Variants in ADGRV1 observed in about 807,000 individuals in gnomAD.
ADGRV1 encodes the protein G-protein coupled receptor 98.
Under a neutral mutation model 596.2 loss-of-function variants are expected in ADGRV1, and 359 were observed. That is an observed-to-expected ratio of 0.60 (90% confidence interval 0.55 to 0.66). ADGRV1 has a LOEUF of 0.66. ADGRV1 is among the 30% of genes least tolerant of loss of function. ADGRV1 has a pLI of 0.00. For missense variants in ADGRV1, 7,274 were observed against 7,575.6 expected (o/e 0.96, Z 1.48); for synonymous variants, 2,681 against 2,679.2 (o/e 1.00, Z -0.02).
chr5:90,646,188 G>A, intron 16 of ADGRV1, 97 bp downstream of exon 16: 2 of 715,636 alleles, frequency 2.8e-6, no homozygotes, highest in Non-Finnish European at 3.9e-6. Context: ...ATATGCACGT[G>A]CGTATATACA....
At chr5:90,953,084 A>G (rs1777182531) in intron 83 of ADGRV1, among the ~76,000 whole-genome samples, 1 of 152,286 alleles carries the variant, frequency 6.6e-6, no homozygotes, top group Non-Finnish European at 1.5e-5. Context: ...TTTGAAAGCC[A>G]TGTGAAAAAA....
rs375195936 is a variant in ADGRV1, at chr5:90,810,269, C to T, written c.15009C>T (p.Gly5003=). The T allele has an allele frequency of 5.2e-5, 83 of 1,589,070 alleles. No homozygotes were observed. The highest frequency in any genetic ancestry group is 9.2e-5 in the South Asian group (8 of 86,676). The change falls in exon 74 of 90, where the codon GGC becomes GGT. Residue 5003 remains glycine, a synonymous_variant. Coordinates refer to ENST00000405460, the MANE Select transcript of ADGRV1 (RefSeq NM_032119.4). Reference sequence around the variant, plus strand: ...TTGTTGCTGAAATTGAACCAATGGGCGTCTTCCAATTTTCCACTAGCTCAA... The same window carrying T: ...TTGTTGCTGAAATTGAACCAATGGGTGTCTTCCAATTTTCCACTAGCTCAA... ...GFIVAEIEPM[G]VFQFSTSSRN...
intron 30 of ADGRV1, among the ~76,000 whole-genome samples, 185 bp from the exon 31 acceptor site, chr5:90,690,612 A>C (rs2149619942): frequency 1.3e-5 from 2 of 152,294 alleles, no homozygotes; most frequent in Non-Finnish European, 2.9e-5. Flanking sequence ...CACAGTGAAA[A>C]ATAATTTGGA....
intron 1 of ADGRV1, among the ~76,000 whole-genome samples, chr5:90,613,210 G>A (rs766089778): frequency 1.3e-5 from 2 of 152,094 alleles, no homozygotes; most frequent in Non-Finnish European, 2.9e-5. Context: ...CAAAATCACA[G>A]TAGATTGTAG....
intron 84 of ADGRV1, among the ~76,000 whole-genome samples, chr5:90,976,612 A>G (rs1335780400): frequency 6.6e-6 from 1 of 152,040 alleles, no homozygotes; most frequent in Non-Finnish European, 1.5e-5. Flanking sequence ...TACATGAAAC[A>G]TGCTCTCAGT....
intron 69 of ADGRV1, 54 bp from the exon 70 acceptor site, chr5:90,790,819 T>C (rs544067828): frequency 6.2e-5 from 70 of 1,137,486 alleles, no homozygotes; most frequent in Non-Finnish European, 8.6e-5. Context: ...TAAGGGAATT[T>C]GGTGCAATAT....
chr5:90,759,754 A>G, intron 58 of ADGRV1, 166 bp downstream of exon 58: 1 of 632,046 alleles, frequency 1.6e-6, no homozygotes, highest in Non-Finnish European at 2.9e-6. Flanking sequence ...TCACGAGGTC[A>G]GGAGATTGAC....
intron 83 of ADGRV1, among the ~76,000 whole-genome samples, chr5:90,955,075 A>G (rs932534494): frequency 2.0e-5 from 3 of 152,144 alleles, no homozygotes; most frequent in Non-Finnish European, 4.4e-5. Context: ...GTTCTCTGCC[A>G]TGTAAGGACA....
chr5:90,627,002 C>T (rs1043197126), intron 6 of ADGRV1, among the ~76,000 whole-genome samples: 8 of 152,132 alleles, frequency 5.3e-5, no homozygotes, highest in Non-Finnish European at 1.0e-4. Flanking sequence ...TGCTTCCTTA[C>T]GTTTTCTTTT....
chr5:90,696,442 A>G (rs1468265969), intron 33 of ADGRV1, among the ~76,000 whole-genome samples: 5 of 152,060 alleles, frequency 3.3e-5, no homozygotes, highest in Non-Finnish European at 7.4e-5. Flanking sequence ...AGAATTTGAC[A>G]TCCCTTTTTA....
rs539209269 is a variant in ADGRV1 at position 90,757,222 on chromosome 5, C to T, written c.11940+61C>T. 2.4e-5 allele frequency: 34 copies of T among 1,397,222 alleles called. No homozygotes were observed. The East Asian group carries it at 7.6e-4, about 31-fold the overall frequency. The allele number at this position is 1,397,222 out of a possible 1,614,324, so 86.6% of individuals were successfully genotyped here. A position where few individuals can be genotyped will look rare whatever the true frequency, so the allele number is the denominator to read the frequency against. On this transcript the variant is annotated intron_variant, in intron 57 of 89. Coordinates refer to ENST00000405460, the MANE Select transcript of ADGRV1 (RefSeq NM_032119.4). ...TGTGCTTCAGACATTTTGTAGGCAT[C>T]CATCAAATGAATGTACATTGGTGAT...
chr5:90,724,929 A>G lies in ADGRV1; in HGVS notation c.9846A>G (p.Ile3282Met), dbSNP rs1023466652. 1.2e-6 allele frequency: 2 copies of G among 1,609,782 alleles called. No homozygotes were observed. Among genetic ancestry groups the G allele is most frequent in the Non-Finnish European group, 1.7e-6 (2 of 1,177,154 alleles). ...FFTLENLIYG[I>M]MLRKSSVTVY... The stretch of plus-strand genomic sequence containing the variant: ...CTTTGGAAAATTTAATATATGGTAT[A>G]ATGTTAAGAAAATCATCTGTTACTG... Residue 3282 changes from isoleucine (I) to methionine (M), a missense_variant, in exon 46 of 90, where the codon ATA becomes ATG. Transcript: ENST00000405460.
Position 90,776,473 on chromosome 5 carries a change from C to T in ADGRV1, c.12424C>T (p.Arg4142Trp), listed in dbSNP as rs534226753. ...TTTAGGTAGTGCATCAATAATTATTCGGGGTGATAAGCGAGCATCAGGAGA... is the reference window on the plus strand; with the variant it reads ...TTTAGGTAGTGCATCAATAATTATTTGGGGTGATAAGCGAGCATCAGGAGA... ...PVKGSASIII[R>W]GDKRASGEVG... The change falls in exon 61 of 90, where the codon CGG (arginine) becomes TGG (tryptophan). Residue 4142 changes from arginine (R) to tryptophan (W), a missense_variant. By Grantham distance (101) the Arg-to-Trp change is moderately radical (BLOSUM62 -3). This residue lies in a region of ADGRV1 where 3,643 missense variants were observed against 3,809.2 expected (regional missense o/e 0.96). Transcript: ENST00000405460. 1.9e-5 allele frequency: 30 copies of T among 1,612,516 alleles called. No individual in the cohort carries two copies. Among genetic ancestry groups the T allele is most frequent in the African/African-American group, 8.0e-5 (6 of 74,962 alleles).
intron 87 of ADGRV1, among the ~76,000 whole-genome samples, chr5:91,124,805 A>G (rs1376421540): frequency 6.6e-6 from 1 of 152,218 alleles, no homozygotes; most frequent in Admixed American, 6.5e-5. Context: ...TGAAAATATA[A>G]AACTGTAAAC....
intron 87 of ADGRV1, among the ~76,000 whole-genome samples, chr5:91,140,172 C>T (rs1176463706): frequency 6.6e-6 from 1 of 152,188 alleles, no homozygotes; most frequent in African/African-American, 2.4e-5. Context: ...CTTAACACAT[C>T]TCACATATTT....
chr5:90,711,528 T>C (rs1368462135), intron 41 of ADGRV1, among the ~76,000 whole-genome samples: 1 of 152,216 alleles, frequency 6.6e-6, no homozygotes, highest in Non-Finnish European at 1.5e-5. Context: ...TTTTCATTAC[T>C]ATTCTAAATG....
intron 1 of ADGRV1, among the ~76,000 whole-genome samples, chr5:90,590,779 G>A (rs1245578625): frequency 6.6e-6 from 1 of 151,998 alleles, no homozygotes; most frequent in Non-Finnish European, 1.5e-5. Context: ...TTATTTTAAT[G>A]TTCTGTAACA....
At chr5:90,908,454 C>T (rs1053239004) in intron 83 of ADGRV1, among the ~76,000 whole-genome samples, 4 of 152,080 alleles carry the variant, frequency 2.6e-5, no homozygotes, top group African/African-American at 7.2e-5. Context: ...CTAGTATATA[C>T]ACATTCTTTC....
intron 83 of ADGRV1, among the ~76,000 whole-genome samples, chr5:90,941,422 T>A (rs1408806029): frequency 2.0e-5 from 3 of 152,200 alleles, no homozygotes; most frequent in African/African-American, 7.2e-5. Flanking sequence ...ATGAGTTAAA[T>A]TGAGTGGGCA....
Sources: allele counts gnomAD v4.1 joint callset (sites outside exome capture counted in the v4.1 genomes callset), GRCh38; gene constraint gnomAD v4.1.1; regional missense constraint gnomAD v4.1.1; transcripts MANE v1.5; gene names NCBI Gene and HGNC (gene_info 2026-07-23, HGNC 2026-07-21).